Variants in TANGO2 observed in about 807,000 individuals in gnomAD.
TANGO2 encodes the protein transport and Golgi organization protein 2 homolog.
TANGO2 carries 26 observed loss-of-function variants against 39.1 expected under a neutral mutation model. The ratio of observed to expected loss-of-function variants is 0.67; its 90% CI spans 0.49 to 0.92. The LOEUF (loss-of-function observed/expected upper bound fraction) is 0.92. Among genes scored for constraint, TANGO2 ranks in the 40% least tolerant of loss-of-function variants. The pLI is 0.00. For synonymous variants in TANGO2, 131 were observed against 144.5 expected (o/e 0.91, Z 0.67); for missense variants, 326 against 360.1 (o/e 0.91, Z 0.77).
intron 1 of TANGO2, among the ~76,000 whole-genome samples, chr22:20,024,722 C>G (rs918028659): frequency 6.6e-6 from 1 of 152,236 alleles, no homozygotes; most frequent in Non-Finnish European, 1.5e-5. Context: ...GTACTAATAG[C>G]TTGCCATTCC....
intron 1 of TANGO2, among the ~76,000 whole-genome samples, chr22:20,022,437 C>A (rs571301087): frequency 3.9e-5 from 6 of 152,272 alleles, no homozygotes; most frequent in African/African-American, 1.2e-4. Context: ...GTGCCCCCAC[C>A]CCCTTTGACC....
intron 6 of TANGO2, chr22:20,058,100 T>G (rs1209489930): frequency 6.6e-6 from 1 of 152,136 alleles, no homozygotes; most frequent in Non-Finnish European, 1.5e-5. Context: ...AAGTGTATCA[T>G]TCAGTAGGTT....
intron 1 of TANGO2, among the ~76,000 whole-genome samples, chr22:20,029,093 C>T (rs556580630): frequency 2.5e-4 from 38 of 152,238 alleles, no homozygotes; most frequent in Non-Finnish European, 4.3e-4. Context: ...GTTTTCTTGT[C>T]GTGCCTTTTT....
At chr22:20,021,405 A>G in intron 1 of TANGO2, 159 bp downstream of exon 1, 1 of 152,344 alleles carries the variant, frequency 6.6e-6, no homozygotes, top group Non-Finnish European at 1.5e-5. Flanking sequence ...CCCCGCTGGC[A>G]CGGGATGCGA....
chr22:20,044,492 C>T (rs952360945), intron 3 of TANGO2, among the ~76,000 whole-genome samples: 1 of 152,210 alleles, frequency 6.6e-6, no homozygotes, highest in African/African-American at 2.4e-5. Context: ...TGCCACTGCA[C>T]TCCAGCATGG....
In TANGO2 at chr22:20,036,874, T is replaced by C; in HGVS notation, c.56+20T>C. ...GTACAGGTAACCCCCTCGCTCTGCA[T>C]CTGCTGCGCCCTGCAGGGTCCTGGG... On this transcript the variant is annotated intron_variant, in intron 2 of 8. Coordinates refer to ENST00000327374, the MANE Select transcript of TANGO2 (RefSeq NM_152906.7). The C allele has an allele frequency of 6.2e-7, 1 of 1,614,238 alleles. No homozygotes were observed. Among genetic ancestry groups the C allele is most frequent in the South Asian group, 1.1e-5 (1 of 91,084 alleles).
intron 6 of TANGO2, 84 bp from the exon 7 acceptor site, chr22:20,061,446 C>A: frequency 6.9e-7 from 1 of 1,457,332 alleles, no homozygotes; most frequent in Non-Finnish European, 9.2e-7. Flanking sequence ...CAGCTGTACC[C>A]CGTGTTAGGT....
intron 3 of TANGO2, among the ~76,000 whole-genome samples, chr22:20,045,163 C>T (rs1159278680): frequency 1.3e-5 from 2 of 151,782 alleles, no homozygotes; most frequent in Non-Finnish European, 1.5e-5. Context: ...CACCCTGGGC[C>T]GGTGGCTCAC....
chr22:20,063,823 GT>G (rs1262741290), intron 8 of TANGO2, among the ~76,000 whole-genome samples: 2 of 152,226 alleles, frequency 1.3e-5, no homozygotes, highest in Non-Finnish European at 2.9e-5. Context: ...CAGGTGCAGG[GT>G]GTCATTTCCT....
chr22:20,019,886 G>A (rs1326412278), upstream of TANGO2, among the ~76,000 whole-genome samples: 3 of 152,260 alleles, frequency 2.0e-5, no homozygotes, highest in Non-Finnish European at 4.4e-5. Flanking sequence ...CTGGCCATGA[G>A]TCCCTGGGCA....
intron 2 of TANGO2, among the ~76,000 whole-genome samples, chr22:20,042,627 T>C (rs534721890): frequency 6.6e-6 from 1 of 151,854 alleles, no homozygotes; most frequent in Non-Finnish European, 1.5e-5. Context: ...TAGCTGGGTG[T>C]GGTGGCGGGT....
chr22:20,024,988 C>G (rs1264020489), intron 1 of TANGO2, among the ~76,000 whole-genome samples: 4 of 151,960 alleles, frequency 2.6e-5, no homozygotes, highest in South Asian at 2.1e-4. Context: ...GCCCTTCCTT[C>G]CCTCTCTTCC....
intron 6 of TANGO2, among the ~76,000 whole-genome samples, chr22:20,059,808 CT>C (rs1291897722): frequency 2.0e-5 from 3 of 151,492 alleles, no homozygotes; most frequent in African/African-American, 7.3e-5. Context: ...ATGTCTCTCT[CT>C]TTTTTTTTCT....
At chr22:20,032,835 C>G (rs911917974) in intron 1 of TANGO2, among the ~76,000 whole-genome samples, 1 of 152,182 alleles carries the variant, frequency 6.6e-6, no homozygotes, top group African/African-American at 2.4e-5. Flanking sequence ...CCTGGCCACC[C>G]GTGTGCCCAC....
upstream of TANGO2, among the ~76,000 whole-genome samples, chr22:20,020,522 G>T (rs529250102): frequency 6.6e-6 from 1 of 152,092 alleles, no homozygotes; most frequent in African/African-American, 2.4e-5. Context: ...GGGTGGAAGT[G>T]GGGGAGGTGG....
upstream of TANGO2, among the ~76,000 whole-genome samples, chr22:20,017,988 C>T (rs1945320221): frequency 6.6e-6 from 1 of 152,230 alleles, no homozygotes; most frequent in African/African-American, 2.4e-5. Flanking sequence ...AAACTGCCCA[C>T]AACCATGCTT....
At chr22:20,049,160 C>T (rs1008258440) in intron 3 of TANGO2, among the ~76,000 whole-genome samples, 4 of 152,110 alleles carry the variant, frequency 2.6e-5, no homozygotes, top group Non-Finnish European at 5.9e-5. Flanking sequence ...GATTTACTGC[C>T]TCCAACCCCC....
upstream of TANGO2, among the ~76,000 whole-genome samples, chr22:20,017,440 CAGT>C (rs1377618134): frequency 6.6e-6 from 1 of 152,130 alleles, no homozygotes; most frequent in Non-Finnish European, 1.5e-5. Flanking sequence ...GTAGGAGCTG[CAGT>C]ATTTCCGAGG....
intron 6 of TANGO2, 143 bp from the exon 7 acceptor site, chr22:20,061,387 C>A: frequency 2.2e-6 from 2 of 915,136 alleles, no homozygotes; most frequent in Non-Finnish European, 3.2e-6. Context: ...GGGGAAGGAG[C>A]TGGAGCATGG....
Sources: allele counts gnomAD v4.1 joint callset (sites outside exome capture counted in the v4.1 genomes callset), GRCh38; gene constraint gnomAD v4.1.1; transcripts MANE v1.5; gene names NCBI Gene and HGNC (gene_info 2026-07-23, HGNC 2026-07-21).